Variants in PCGF5 observed in about 807,000 individuals in gnomAD.
The protein encoded by PCGF5 is polycomb group RING finger protein 5.
Under a neutral mutation model 44.3 loss-of-function variants are expected in PCGF5, and 9 were observed. That is an observed-to-expected ratio of 0.20 (90% CI 0.12 to 0.35). The LOEUF (loss-of-function observed/expected upper bound fraction) is 0.35. PCGF5 is among the 10% of genes least tolerant of loss of function. The pLI is 1.00. For missense variants in PCGF5, 146 were observed against 305.3 expected, an observed-to-expected ratio of 0.48 and a Z score of 3.89; for synonymous variants, 95 against 102.5, an observed-to-expected ratio of 0.93 and a Z score of 0.44.
chr10:91,170,488 G>A (rs1162715563), intron 1 of PCGF5, among the ~76,000 whole-genome samples: 1 of 152,146 alleles, frequency 6.6e-6, no homozygotes, highest in African/African-American at 2.4e-5. Flanking sequence ...ATACACAGAT[G>A]GCAAATAAGC....
At position 91,183,415 on chromosome 10, in the gene PCGF5, CT is replaced by C. The variant is rs200887569; in HGVS notation, c.-184+20345del. Among the ~76,000 whole-genome samples, 64 of 145,230 alleles carry C rather than the reference CT, an allele frequency of 4.4e-4. 1 individual carries two copies. The highest frequency in any genetic ancestry group is 6.0e-4 in the East Asian group (3 of 5,032). ...GCAGAAATTGAGATTGCAACCTCTG[CT>C]TTTTTTTTTTCCTCCATCCTTTTAT... On this transcript the variant is annotated intron_variant, in intron 1 of 9. Coordinates refer to the PCGF5 transcript ENST00000614189.
intron 8 of PCGF5, among the ~76,000 whole-genome samples, chr10:91,265,380 T>C (rs1161995627): frequency 6.6e-6 from 1 of 152,130 alleles, no homozygotes; most frequent in African/African-American, 2.4e-5. Context: ...TAAATAAATA[T>C]GAATTAAGAT....
intron 1 of PCGF5, among the ~76,000 whole-genome samples, chr10:91,180,887 A>G (rs1843805764): frequency 6.6e-6 from 1 of 152,236 alleles, no homozygotes; most frequent in African/African-American, 2.4e-5. Flanking sequence ...TTCTGTGAAG[A>G]ATGTCAATGG....
chr10:91,166,259 T>G (rs1168668578), intron 1 of PCGF5, among the ~76,000 whole-genome samples: 1 of 152,234 alleles, frequency 6.6e-6, no homozygotes, highest in African/African-American at 2.4e-5. Flanking sequence ...ATTGTCTGCC[T>G]TTTGCTTGTG....
intron 2 of PCGF5, among the ~76,000 whole-genome samples, chr10:91,239,131 G>A (rs1350472276): frequency 2.6e-5 from 4 of 152,136 alleles, no homozygotes; most frequent in South Asian, 2.1e-4. Flanking sequence ...TTTGGGGGGC[G>A]GAGGGGGAGG....
chr10:91,260,868 G>A (rs1262974404), intron 6 of PCGF5, among the ~76,000 whole-genome samples: 1 of 151,206 alleles, frequency 6.6e-6, no homozygotes, highest in African/African-American at 2.4e-5. Context: ...TAAATGACCA[G>A]TTAATGGGTG....
chr10:91,253,619 G>A (rs35552285), intron 6 of PCGF5, among the ~76,000 whole-genome samples: 13 of 152,108 alleles, frequency 8.5e-5, no homozygotes, highest in African/African-American at 2.4e-4. Context: ...TCTTTGATCT[G>A]TTACTCTTTT....
chr10:91,206,726 C>T (rs1394235264), intron 1 of PCGF5, among the ~76,000 whole-genome samples: 1 of 152,170 alleles, frequency 6.6e-6, no homozygotes, highest in East Asian at 1.9e-4. Context: ...CTTTCCTGTG[C>T]TTTCTCTGTT....
At position 91,261,362 on chromosome 10, in the gene PCGF5, G is replaced by T. The variant is rs1277784414; in HGVS notation, c.511G>T (p.Val171Leu). 1 of 1,507,576 alleles carries T rather than the reference G, an allele frequency of 6.6e-7. No homozygotes were observed. The highest frequency in any genetic ancestry group is 9.0e-7 in the Non-Finnish European group (1 of 1,114,600). The allele number at this position is 1,507,576 out of a possible 1,614,324, so 93.4% of individuals were successfully genotyped here. A position where few individuals can be genotyped will look rare whatever the true frequency, so the allele number is the denominator to read the frequency against. Reference sequence around the variant, plus strand: ...GAAATTCATTCGATGTTCTACACGTGTAACTGTGGGAACTATTAAAAAATT... The same window carrying T: ...GAAATTCATTCGATGTTCTACACGTTTAACTGTGGGAACTATTAAAAAATT... Reference protein sequence around the residue: ...MKKFIRCSTRVTVGTIKKFLS... With the variant: ...MKKFIRCSTRLTVGTIKKFLS... The change falls in exon 7 of 10, where the codon GTA (valine) becomes TTA (leucine). Residue 171 changes from valine to leucine, a missense_variant. Around this residue, in one of 3 missense-constraint regions of PCGF5, gnomAD observed 123 missense variants for 268.6 expected, o/e 0.46. Transcript: ENST00000336126.
intron 1 of PCGF5, among the ~76,000 whole-genome samples, chr10:91,173,620 A>G (rs1252469197): frequency 7.1e-6 from 1 of 140,122 alleles, no homozygotes; most frequent in African/African-American, 2.7e-5. Context: ...GAGTAGTAGC[A>G]GGAGGCAATT....
chr10:91,270,142 A>C (rs1270460052), intron 8 of PCGF5, among the ~76,000 whole-genome samples: 1 of 152,188 alleles, frequency 6.6e-6, no homozygotes, highest in East Asian at 1.9e-4. Flanking sequence ...ATCTCTATCC[A>C]GCCTTAGCTT....
At chr10:91,234,571 G>A (rs557153433) in intron 2 of PCGF5, among the ~76,000 whole-genome samples, 14 of 152,296 alleles carry the variant, frequency 9.2e-5, no homozygotes, top group African/African-American at 3.1e-4. Flanking sequence ...CCATCGGCAT[G>A]ATATCTGTTA....
At chr10:91,239,545 G>A (rs1845267220) in intron 2 of PCGF5, among the ~76,000 whole-genome samples, 1 of 152,140 alleles carries the variant, frequency 6.6e-6, no homozygotes, top group Non-Finnish European at 1.5e-5. Flanking sequence ...TGTGAAAGGG[G>A]AGTAGGAGAG....
In PCGF5 at chr10:91,280,751, ATT is replaced by A. The variant is rs1846434646; in HGVS notation, c.*2436_*2437del. On this transcript the variant is annotated 3_prime_UTR_variant, in exon 10 of 10. Coordinates refer to ENST00000336126, the MANE Select transcript of PCGF5 (RefSeq NM_032373.5). ...TAGTAATACACTGTATTCCCCGTTA[ATT>A]ATCCCTTAAGTCAGATTGTAGAATT... The A allele has an allele frequency of 6.6e-6, 1 of 152,272 alleles. No individual in the cohort carries two copies. 9.4% of individuals were successfully genotyped at this position (152,272 alleles called of 1,614,324 possible).
chr10:91,274,139 A>G (rs1040841960), intron 9 of PCGF5, among the ~76,000 whole-genome samples: 1 of 152,110 alleles, frequency 6.6e-6, no homozygotes, highest in Non-Finnish European at 1.5e-5. Flanking sequence ...GTAATAGTAC[A>G]TTACATTTTA....
intron 2 of PCGF5, among the ~76,000 whole-genome samples, chr10:91,225,138 A>G (rs1345209837): frequency 2.0e-5 from 3 of 151,004 alleles, no homozygotes; most frequent in African/African-American, 7.3e-5. Context: ...CTTTTAAAAA[A>G]AGGAAAACAA....
chr10:91,183,946 T>G (rs1321308866), intron 1 of PCGF5, among the ~76,000 whole-genome samples: 1 of 152,208 alleles, frequency 6.6e-6, no homozygotes, highest in Non-Finnish European at 1.5e-5. Flanking sequence ...AGTCTGATTG[T>G]CTTCCCTTTG....
chr10:91,260,596 G>A (rs1316393567), intron 6 of PCGF5, among the ~76,000 whole-genome samples: 1 of 152,134 alleles, frequency 6.6e-6, no homozygotes, highest in African/African-American at 2.4e-5. Context: ...TTAAGAAAAT[G>A]TGGCACATAT....
intron 9 of PCGF5, 43 bp from the exon 10 acceptor site, chr10:91,278,226 T>C (rs1564660730): frequency 2.1e-6 from 3 of 1,460,788 alleles, no homozygotes; most frequent in Non-Finnish European, 1.9e-6. Context: ...GTATTGTTTT[T>C]ATCCAAATAC....
Sources: gnomAD v4.1 joint callset for allele counts (sites outside exome capture counted in the v4.1 genomes callset) on GRCh38, gnomAD v4.1.1 for gene constraint, gnomAD v4.1.1 regional missense constraint, MANE v1.5 for transcripts, NCBI Gene and HGNC (gene_info 2026-07-23, HGNC 2026-07-21) for gene names.